The following CCDC102B variants were observed in gnomAD, a reference collection of about 807,000 sequenced individuals.
The protein encoded by CCDC102B is coiled-coil domain containing 102B.
In CCDC102B, 75 loss-of-function variants were observed where a neutral mutation model predicts 57.4. That is an observed-to-expected ratio of 1.31 (90% CI 1.08 to 1.58). The LOEUF is 1.58. Among genes scored for constraint, CCDC102B ranks in the 40% most tolerant of loss-of-function variants. The pLI, the probability that CCDC102B is intolerant of heterozygous loss-of-function variation, is 0.00. For missense variants in CCDC102B, 636 were observed against 582.6 expected, an observed-to-expected ratio of 1.09 and a Z score of -0.94; for synonymous variants, 206 against 201.9, an observed-to-expected ratio of 1.02 and a Z score of -0.17.
At chr18:69,050,080 A>G (rs1057181223) in intron 7 of CCDC102B, among the ~76,000 whole-genome samples, 5 of 152,068 alleles carry the variant, frequency 3.3e-5, no homozygotes, top group Admixed American at 6.6e-5. Flanking sequence ...AAGTGTTGGT[A>G]TTATAGGCAT....
At chr18:69,040,222 T>A (rs748298326) in intron 7 of CCDC102B, among the ~76,000 whole-genome samples, 1 of 152,054 alleles carries the variant, frequency 6.6e-6, no homozygotes, top group African/African-American at 2.4e-5. Flanking sequence ...GTGTGCCTGG[T>A]GGCATTATCC....
intron 6 of CCDC102B, among the ~76,000 whole-genome samples, chr18:68,967,051 C>G (rs561521504): frequency 6.6e-6 from 1 of 152,282 alleles, no homozygotes; most frequent in Non-Finnish European, 1.5e-5. Context: ...ACATCCCAAT[C>G]TTCCCTGTTA....
intron 6 of CCDC102B, among the ~76,000 whole-genome samples, chr18:68,917,041 C>T (rs1168278190): frequency 1.3e-5 from 2 of 152,156 alleles, no homozygotes; most frequent in South Asian, 2.1e-4. Context: ...TTTGAAATAA[C>T]GATTTTGCCT....
In CCDC102B at chr18:68,716,804, C is replaced by T. The variant is rs309245; in HGVS notation, c.-67+210C>T. ...AAAAAATTAGCCAGATGTGGCCTGG[C>T]GCGGTGGCTTACACCTGTAATCCCA... is the stretch of plus-strand genomic sequence containing the variant. On this transcript the variant is annotated intron_variant, in intron 2 of 3. Coordinates refer to the CCDC102B transcript ENST00000578970. Among the ~76,000 whole-genome samples, 1,063 of 151,898 alleles carry T rather than the reference C, an allele frequency of 7.0e-3. 10 individuals carry two copies. The highest frequency in any genetic ancestry group is 0.024 in the African/African-American group (975 of 41,416).
intron 2 of CCDC102B, among the ~76,000 whole-genome samples, chr18:68,729,674 A>C (rs937813977): frequency 6.6e-6 from 1 of 152,236 alleles, no homozygotes; most frequent in Admixed American, 6.5e-5. Flanking sequence ...GAAAAAAGAC[A>C]AATGAGCAAG....
intron 7 of CCDC102B, among the ~76,000 whole-genome samples, chr18:69,016,356 A>G (rs2051668383): frequency 6.6e-6 from 1 of 152,182 alleles, no homozygotes; most frequent in Non-Finnish European, 1.5e-5. Context: ...AGTATCTAAG[A>G]GGCAATGAGT....
intron 6 of CCDC102B, among the ~76,000 whole-genome samples, chr18:68,914,935 T>C (rs1287985419): frequency 6.6e-6 from 1 of 151,464 alleles, no homozygotes; most frequent in Non-Finnish European, 1.5e-5. Flanking sequence ...TGACTTTAGG[T>C]GAGGACTTAC....
At chr18:68,817,362 A>G (rs552340474) in intron 1 of CCDC102B, among the ~76,000 whole-genome samples, 38 of 152,350 alleles carry the variant, frequency 2.5e-4, no homozygotes, top group African/African-American at 8.9e-4. Flanking sequence ...TGGCTTTCAT[A>G]AACATAATGA....
At chr18:68,970,351 C>T (rs568511909) in intron 6 of CCDC102B, among the ~76,000 whole-genome samples, 3 of 152,028 alleles carry the variant, frequency 2.0e-5, no homozygotes, top group East Asian at 3.9e-4. Flanking sequence ...CATAAATATT[C>T]ATGTTTTATC....
intron 7 of CCDC102B, among the ~76,000 whole-genome samples, chr18:69,034,855 T>A (rs1268027542): frequency 6.6e-6 from 1 of 151,720 alleles, no homozygotes; most frequent in Non-Finnish European, 1.5e-5. Flanking sequence ...TTTTGGGAAA[T>A]AATTGGTTCA....
intron 4 of CCDC102B, among the ~76,000 whole-genome samples, chr18:68,857,725 A>T (rs941114268): frequency 2.0e-5 from 3 of 151,942 alleles, no homozygotes; most frequent in African/African-American, 7.3e-5. Flanking sequence ...CTTACTCAAC[A>T]TCTCATGGCC....
At chr18:68,889,497 G>A (rs1260333875) in intron 5 of CCDC102B, among the ~76,000 whole-genome samples, 5 of 152,176 alleles carry the variant, frequency 3.3e-5, no homozygotes, top group Non-Finnish European at 7.3e-5. Flanking sequence ...TCAGCTCACC[G>A]CAACCTCCGC....
Position 68,956,399 on chromosome 18 carries a change from A to ATATATTTTATATATATTTATATATT in CCDC102B, c.1264-54535_1264-54534insTATATTTTATATATATTTATATATT, listed in dbSNP as rs1350807044. On this transcript the variant is annotated intron_variant, in intron 6 of 7. Transcript: ENST00000360242. ...ATGTATAATATATAATATATATATAAATATATTTTATATATATTATATATA... is the reference window on the plus strand; with the variant it reads ...ATGTATAATATATAATATATATATAATATATTTTATATATATTTATATATTATATATTTTATATATATTATATATA... Among the ~76,000 whole-genome samples the ATATATTTTATATATATTTATATATT allele has an allele frequency of 7.5e-3, 596 of 79,690 alleles. 5 individuals are homozygous for ATATATTTTATATATATTTATATATT. Among genetic ancestry groups the ATATATTTTATATATATTTATATATT allele is most frequent in the East Asian group, 0.014 (40 of 2,764 alleles). The allele number at this position is 79,690 out of a possible 152,430, so 52.3% of individuals were successfully genotyped here. A position where few individuals can be genotyped will look rare whatever the true frequency, so the allele number is the denominator to read the frequency against.
intron 2 of CCDC102B, among the ~76,000 whole-genome samples, chr18:68,750,970 CAAAG>C (rs539225656): frequency 2.0e-3 from 303 of 151,024 alleles, no homozygotes; most frequent in African/African-American, 7.2e-3. Flanking sequence ...AAAACAAAAA[CAAAG>C]AAACAAAAAA....
intron 1 of CCDC102B, among the ~76,000 whole-genome samples, chr18:68,828,322 C>CAAAAAAAAAAA (rs58180806): frequency 7.4e-5 from 6 of 80,796 alleles, no homozygotes; most frequent in Admixed American, 1.7e-4. Flanking sequence ...ACCCTATTTA[C>CAAAAAAAAAAA]AAAAAAAAAA....
intron 7 of CCDC102B, among the ~76,000 whole-genome samples, chr18:69,040,623 C>T (rs1421072879): frequency 6.6e-6 from 1 of 151,898 alleles, no homozygotes. Flanking sequence ...TGCATTCTAC[C>T]TCCAACCATA....
At chr18:68,799,455 A>G (rs2035764606) in intron 1 of CCDC102B, among the ~76,000 whole-genome samples, 1 of 152,148 alleles carries the variant, frequency 6.6e-6, no homozygotes, top group South Asian at 2.1e-4. Flanking sequence ...GCTTCAAGGT[A>G]ATTTATGAAT....
At chr18:68,719,404 G>A (rs536367258) in intron 2 of CCDC102B, among the ~76,000 whole-genome samples, 1 of 152,280 alleles carries the variant, frequency 6.6e-6, no homozygotes. Context: ...CTGATAATGA[G>A]GGGTCCAAAG....
intron 1 of CCDC102B, among the ~76,000 whole-genome samples, chr18:68,801,641 T>TA (rs1167782821): frequency 3.0e-4 from 46 of 152,196 alleles, no homozygotes; most frequent in African/African-American, 1.1e-3. Flanking sequence ...TTTGTAGAAT[T>TA]AAAGTTTCCA....
Sources: allele counts gnomAD v4.1 joint callset (sites outside exome capture counted in the v4.1 genomes callset), GRCh38; gene constraint gnomAD v4.1.1; transcripts MANE v1.5; gene names NCBI Gene and HGNC (gene_info 2026-07-23, HGNC 2026-07-21).